Variants in PDE6G observed in about 807,000 individuals in gnomAD.
The protein encoded by PDE6G is rod cGMP 3',5'-cyclic phosphodiesterase subunit gamma.
PDE6G carries 10 observed loss-of-function variants against 10.9 expected under a neutral mutation model. The ratio of observed to expected loss-of-function variants is 0.91; its 90% CI spans 0.56 to 1.55. PDE6G has a LOEUF of 1.55. Among genes scored for constraint, PDE6G ranks in the 40% most tolerant of loss-of-function variants. The probability of loss-of-function intolerance (pLI) is 0.00; values close to 1 mark genes in which losing one functional copy is unlikely to be tolerated. For synonymous variants in PDE6G, 41 were observed against 42.8 expected, an observed-to-expected ratio of 0.96 and a Z score of 0.16; for missense variants, 102 against 110.1, an observed-to-expected ratio of 0.93 and a Z score of 0.33.
rs2144403528 is a variant in PDE6G, at chr17:81,653,965, C to G, written c.-59-601G>C. 6.6e-6 allele frequency among the ~76,000 whole-genome samples: 1 copy of G among 152,276 alleles called. No individual in the cohort carries two copies. Among genetic ancestry groups the G allele is most frequent in the South Asian group, 2.1e-4 (1 of 4,826 alleles). Reference sequence around the variant, plus strand: ...AGCTGGGATTACCGGCGTCTGCCACCATGCCCGGCTAATCTTTGCATTTTT... The same window carrying G: ...AGCTGGGATTACCGGCGTCTGCCACGATGCCCGGCTAATCTTTGCATTTTT... On this transcript the variant is annotated intron_variant, in intron 1 of 3. Coordinates refer to ENST00000331056, the MANE Select transcript of PDE6G (RefSeq NM_002602.4). This position sits in a 1 kb window ranked among gnomAD's most constrained non-coding sequence, Gnocchi z 5.2.
upstream of PDE6G, chr17:81,656,914 G>A (rs544496921): frequency 2.1e-4 from 88 of 422,466 alleles, no homozygotes; most frequent in African/African-American, 1.6e-3. Context: ...CCGCTGCTGT[G>A]GCCTCACATC....
At chr17:81,655,327 A>C (rs926102294) in intron 1 of PDE6G, among the ~76,000 whole-genome samples, 1 of 152,190 alleles carries the variant, frequency 6.6e-6, no homozygotes, top group African/African-American at 2.4e-5. Flanking sequence ...TCATAGAGGG[A>C]CAAGCTGGGG....
At chr17:81,658,638 C>A (rs940373035), upstream of PDE6G, among the ~76,000 whole-genome samples, 2 of 151,984 alleles carry the variant, frequency 1.3e-5, no homozygotes, top group Non-Finnish European at 2.9e-5. Flanking sequence ...ATCAGGAGTT[C>A]AAGACCAGCC....
upstream of PDE6G, among the ~76,000 whole-genome samples, chr17:81,659,205 T>A (rs1388903872): frequency 2.1e-5 from 3 of 144,098 alleles, no homozygotes; most frequent in Non-Finnish European, 4.5e-5. Flanking sequence ...TCACCTAGGC[T>A]GGAATGCAGA....
upstream of PDE6G, chr17:81,656,979 A>ACCC (rs71166164): frequency 1.6e-4 from 35 of 220,252 alleles, no homozygotes; most frequent in African/African-American, 7.9e-4. Flanking sequence ...CCAAACAAGG[A>ACCC]CCCCCCCCCG....
rs772348610 is a variant in PDE6G at position 81,653,362 on chromosome 17, G to A, written c.-57C>T. ...TGGCTCCTGGACTCCCTCCTGCTGCGGTCTGGGGGCAGACCAGGCCCGGGT... is the reference window on the plus strand; with the variant it reads ...TGGCTCCTGGACTCCCTCCTGCTGCAGTCTGGGGGCAGACCAGGCCCGGGT... On this transcript the variant is annotated splice_region_variant and 5_prime_UTR_variant, in exon 2 of 4. Transcript: ENST00000331056. The surrounding 1 kb of genome is among the most constrained non-coding windows in gnomAD (Gnocchi z 5.2). 51 of 1,594,904 alleles carry A rather than the reference G, an allele frequency of 3.2e-5. No homozygotes were observed. Among genetic ancestry groups the A allele is most frequent in the African/African-American group, 6.7e-5 (5 of 74,708 alleles).
rs1172621037 is a variant in PDE6G, at chr17:81,651,852, G to A, written c.147-167C>T. On this transcript the variant is annotated intron_variant, in intron 2 of 3. Transcript: ENST00000331056. The surrounding 1 kb of genome is among the most constrained non-coding windows in gnomAD (Gnocchi z 4.8). ...CCTCCCAGGGCTTGGCGCATCTGAG[G>A]AGGCTTCCCTCACAGACCCAGGGTG... 6.6e-6 allele frequency among the ~76,000 whole-genome samples: 1 copy of A among 152,194 alleles called. No individual in the cohort carries two copies. Among genetic ancestry groups the A allele is most frequent in the African/African-American group, 2.4e-5 (1 of 41,442 alleles).
upstream of PDE6G, among the ~76,000 whole-genome samples, chr17:81,657,643 G>A (rs1392695099): frequency 6.6e-6 from 1 of 152,118 alleles, no homozygotes; most frequent in African/African-American, 2.4e-5. Context: ...CACTTTGGGA[G>A]GCTGAGGCAG....
At chr17:81,652,603 GT>G (rs1392722291) in intron 2 of PDE6G, among the ~76,000 whole-genome samples, 5 of 143,624 alleles carry the variant, frequency 3.5e-5, no homozygotes, top group African/African-American at 1.3e-4. Flanking sequence ...ACGGAGTTTT[GT>G]TCTTCTTGTT....
upstream of PDE6G, among the ~76,000 whole-genome samples, chr17:81,659,167 T>C (rs2036486013): frequency 6.7e-6 from 1 of 150,116 alleles, no homozygotes; most frequent in Non-Finnish European, 1.5e-5. Flanking sequence ...TTTTTTTTTT[T>C]TTTTTTGAGA....
intron 2 of PDE6G, among the ~76,000 whole-genome samples, chr17:81,652,278 A>AT (rs1052241938): frequency 2.0e-5 from 3 of 151,652 alleles, no homozygotes; most frequent in African/African-American, 4.8e-5. Flanking sequence ...CAGTGGTTGT[A>AT]TTTTTTTTAT....
chr17:81,662,701 T>G (rs538052498), intron 1 of PDE6G, among the ~76,000 whole-genome samples: 142 of 152,182 alleles, frequency 9.3e-4, no homozygotes, highest in African/African-American at 3.2e-3. Context: ...AAACAACTCA[T>G]GAAAACTAAG....
rs929451057 is a variant in PDE6G, at chr17:81,651,357, G to T, written c.188-207C>A. Among the ~76,000 whole-genome samples the T allele has an allele frequency of 6.6e-6, 1 of 152,076 alleles. No individual in the cohort carries two copies. Among genetic ancestry groups the T allele is most frequent in the Admixed American group, 6.5e-5 (1 of 15,274 alleles). On this transcript the variant is annotated intron_variant, in intron 3 of 3. Transcript: ENST00000331056. This position sits in a 1 kb window ranked among gnomAD's most constrained non-coding sequence, Gnocchi z 4.8. Reference sequence around the variant, plus strand: ...GCAGCAGGTCCAGGGGAGGGAACCAGAGGAGGGTGGGGCTTGCTGAAGGGG... The same window carrying T: ...GCAGCAGGTCCAGGGGAGGGAACCATAGGAGGGTGGGGCTTGCTGAAGGGG...
chr17:81,653,545 A>G lies in PDE6G; in HGVS notation c.-59-181T>C. Reference sequence around the variant, plus strand: ...GCCAGCTTTGCTTGGGTCCACCCGCACGCTCCCATTCCCCTTGCCTAGTGG... The same window carrying G: ...GCCAGCTTTGCTTGGGTCCACCCGCGCGCTCCCATTCCCCTTGCCTAGTGG... On this transcript the variant is annotated intron_variant, in intron 1 of 3. Coordinates refer to ENST00000331056, the MANE Select transcript of PDE6G (RefSeq NM_002602.4). This position sits in a 1 kb window ranked among gnomAD's most constrained non-coding sequence, Gnocchi z 5.2. 1.8e-6 allele frequency: 1 copy of G among 570,512 alleles called. No homozygotes were observed. Among genetic ancestry groups the G allele is most frequent in the Non-Finnish European group, 3.1e-6 (1 of 317,588 alleles). 35.3% of individuals were successfully genotyped at this position (570,512 alleles called of 1,614,324 possible).
chr17:81,650,978 TG>T lies in PDE6G; in HGVS notation c.*95del, dbSNP rs770196740. On this transcript the variant is annotated 3_prime_UTR_variant, in exon 4 of 4. Transcript: ENST00000331056. ...CCCATCCTGGTGTCCAGGTGCCATC[TG>T]GGCTAGGGAGGCATCTCCTCAACAG... is the stretch of plus-strand genomic sequence containing the variant. 10 of 908,784 alleles carry T rather than the reference TG, an allele frequency of 1.1e-5. No homozygotes were observed. The Admixed American group carries it at 1.4e-4, about 13-fold the overall frequency. The allele number at this position is 908,784 out of a possible 1,614,324, so 56.3% of individuals were successfully genotyped here.
intron 1 of PDE6G, among the ~76,000 whole-genome samples, chr17:81,654,803 A>G (rs1251532195): frequency 2.7e-5 from 4 of 149,854 alleles, no homozygotes; most frequent in Non-Finnish European, 5.9e-5. Flanking sequence ...GCTAGAGTGC[A>G]GTGGCACGAT....
In PDE6G at chr17:81,651,498, G is replaced by C. The variant is rs191764436; in HGVS notation, c.187+147C>G. 2.9e-4 allele frequency: 215 copies of C among 743,318 alleles called. 1 individual carries two copies. The African/African-American group carries it at 3.3e-3, about 11-fold the overall frequency. 46.0% of individuals were successfully genotyped at this position (743,318 alleles called of 1,614,324 possible). On this transcript the variant is annotated intron_variant, in intron 3 of 3. Coordinates refer to ENST00000331056, the MANE Select transcript of PDE6G (RefSeq NM_002602.4). The surrounding 1 kb of genome is among the most constrained non-coding windows in gnomAD (Gnocchi z 4.8). ...CCAGTGGATCTGGAGCTCAGTGTTG[G>C]GGGAAGAAGTGATGGACAGGCTGGG...
intron 1 of PDE6G, 57 bp downstream of exon 1, chr17:81,656,436 C>T (rs998765769): frequency 1.4e-6 from 1 of 726,624 alleles, no homozygotes; most frequent in South Asian, 1.4e-5. Flanking sequence ...CAGACCCCCA[C>T]TGACTCACTG....
intron 1 of PDE6G, among the ~76,000 whole-genome samples, chr17:81,662,555 G>A (rs1598725472): frequency 6.6e-6 from 1 of 151,664 alleles, no homozygotes; most frequent in African/African-American, 2.4e-5. Flanking sequence ...CCCGCGAGGT[G>A]GAGGTTGTGG....
Sources: gnomAD v4.1 joint callset for allele counts (sites outside exome capture counted in the v4.1 genomes callset) on GRCh38, gnomAD v4.1.1 for gene constraint, Gnocchi (gnomAD v3.1) non-coding constraint, MANE v1.5 for transcripts, NCBI Gene and HGNC (gene_info 2026-07-23, HGNC 2026-07-21) for gene names.